TSPAN32: variants seen among roughly 807,000 people sequenced by gnomAD.
TSPAN32 encodes the protein tetraspanin 32, also known as tetraspanin-32.
A neutral mutation model predicts 42.7 loss-of-function variants in TSPAN32; 47 were observed. The observed-to-expected ratio is 1.10, with a 90% CI of 0.87 to 1.40. The LOEUF is 1.40. Among genes scored for constraint, TSPAN32 ranks in the 40% most tolerant of loss-of-function variants. TSPAN32 has a pLI of 0.00. For synonymous variants in TSPAN32, 175 were observed against 175.9 expected (o/e 0.99, Z 0.04); for missense variants, 469 against 424.1 (o/e 1.11, Z -0.93).
chr11:2,303,008 G>T (rs754360643), intron 2 of TSPAN32, 50 bp downstream of exon 2: 6 of 1,533,932 alleles, frequency 3.9e-6, no homozygotes, highest in Non-Finnish European at 5.4e-6. Flanking sequence ...CGGGTGCAAG[G>T]GTGGCTGGCA....
intron 2 of TSPAN32, chr11:2,303,466 C>T (rs1207965060): frequency 5.4e-6 from 1 of 183,792 alleles, no homozygotes; most frequent in Non-Finnish European, 1.2e-5. Context: ...CCAGAGCCTG[C>T]TGGGGCCACT....
Position 2,313,735 on chromosome 11 carries a change from C to G in TSPAN32, c.436C>G (p.Leu146Val). ...TACGTCCCACGTCCGGCGGCAGGAG[C>G]TGGCGGCCATCCAGGACGTGGTGAG... ...KGTSHVRRQE[L>V]AAIQDVFLCC... Residue 146 changes from leucine (L) to valine (V), a missense_variant, in exon 5 of 10, where the codon CTG becomes GTG. By Grantham distance (32) the Leu-to-Val change is conservative. Coordinates refer to ENST00000182290, the MANE Select transcript of TSPAN32 (RefSeq NM_139022.3). The surrounding 1 kb of genome is among the most constrained non-coding windows in gnomAD (Gnocchi z 9.1). 6.2e-7 allele frequency: 1 copy of G among 1,602,842 alleles called. No individual in the cohort carries two copies. The highest frequency in any genetic ancestry group is 8.5e-7 in the Non-Finnish European group (1 of 1,176,520).
At chr11:2,303,376 G>T (rs987684465) in intron 2 of TSPAN32, 9 of 205,608 alleles carry the variant, frequency 4.4e-5, no homozygotes, top group South Asian at 4.3e-4. Flanking sequence ...TGGGGAGGGG[G>T]TGGGGGCTGC....
At chr11:2,303,147 C>G (rs1847863826) in intron 2 of TSPAN32, 189 bp downstream of exon 2, 1 of 583,184 alleles carries the variant, frequency 1.7e-6, no homozygotes, top group Non-Finnish European at 3.1e-6. Flanking sequence ...GTCTGGGTGA[C>G]AGCCAGTGTT....
chr11:2,317,797 T>C lies in TSPAN32; in HGVS notation c.902-66T>C, dbSNP rs1336854413. The C allele has an allele frequency of 2.5e-6, 4 of 1,594,874 alleles. No homozygotes were observed. Among genetic ancestry groups the C allele is most frequent in the African/African-American group, 1.3e-5 (1 of 74,368 alleles). On this transcript the variant is annotated intron_variant, in intron 9 of 9. Coordinates refer to ENST00000182290, the MANE Select transcript of TSPAN32 (RefSeq NM_139022.3). This position sits in a 1 kb window ranked among gnomAD's most constrained non-coding sequence, Gnocchi z 6.2. Reference sequence around the variant, plus strand: ...ACCCAGACACAAGCTGCACTGGTTTTCTATGCTGCGTAAGAAGCAGCATGG... The same window carrying C: ...ACCCAGACACAAGCTGCACTGGTTTCCTATGCTGCGTAAGAAGCAGCATGG...
At position 2,308,794 on chromosome 11, in the gene TSPAN32, T is replaced by G; in HGVS notation, c.338T>G (p.Leu113Arg). The change falls in exon 4 of 10, where the codon CTC becomes CGC. Residue 113 changes from leucine to arginine, a missense_variant. By Grantham distance (102) the Leu-to-Arg change is moderately radical (BLOSUM62 -2). Coordinates refer to ENST00000182290, the MANE Select transcript of TSPAN32 (RefSeq NM_139022.3). ...CAGGTGCAGGTGGTGTTCTGGAGAC[T>G]CCACAGCCCCACCCAGGTGAGCACC... ...CAQVQVVFWR[L>R]HSPTQVEDAM... 1 of 1,569,684 alleles carries G rather than the reference T, an allele frequency of 6.4e-7. No individual in the cohort carries two copies.
At position 2,313,565 on chromosome 11, in the gene TSPAN32, C is replaced by T. The variant is rs1367115989; in HGVS notation, c.355-89C>T. The T allele has an allele frequency of 5.8e-6, 6 of 1,029,138 alleles. No homozygotes were observed. Among genetic ancestry groups the T allele is most frequent in the Non-Finnish European group, 8.7e-6 (6 of 691,894 alleles). The allele number at this position is 1,029,138 out of a possible 1,614,324, so 63.8% of individuals were successfully genotyped here. A position where few individuals can be genotyped will look rare whatever the true frequency, so the allele number is the denominator to read the frequency against. On this transcript the variant is annotated intron_variant, in intron 4 of 9. Coordinates refer to ENST00000182290, the MANE Select transcript of TSPAN32 (RefSeq NM_139022.3). This position sits in a 1 kb window ranked among gnomAD's most constrained non-coding sequence, Gnocchi z 9.1. ...CTGGGACGTCACTCAGCACTAAGGG[C>T]CCACTAGCGTTTGGGATGTCGTGGG...
Position 2,302,149 on chromosome 11 carries a change from C to T in TSPAN32, c.-1C>T, listed in dbSNP as rs1460853878. ...GAGGAGAGGAGAGGAGAGGAACCGT[C>T]ATGGGGCCTTGGAGTCGAGTCAGGG... On this transcript the variant is annotated 5_prime_UTR_variant, in exon 1 of 10. Transcript: ENST00000182290. 6.9e-7 allele frequency: 1 copy of T among 1,454,586 alleles called. No individual in the cohort carries two copies. The highest frequency in any genetic ancestry group is 1.4e-5 in the African/African-American group (1 of 69,880). The allele number at this position is 1,454,586 out of a possible 1,614,324, so 90.1% of individuals were successfully genotyped here. A position where few individuals can be genotyped will look rare whatever the true frequency, so the allele number is the denominator to read the frequency against.
At chr11:2,303,758 G>T (rs1401723206) in intron 2 of TSPAN32, among the ~76,000 whole-genome samples, 1 of 152,272 alleles carries the variant, frequency 6.6e-6, no homozygotes, top group Non-Finnish European at 1.5e-5. Flanking sequence ...CTAGGACATG[G>T]CAGGAGGATG....
rs1488222259 is a variant in TSPAN32 at position 2,316,653 on chromosome 11, C to T, written c.705C>T (p.Tyr235=). 9 of 1,532,072 alleles carry T rather than the reference C, an allele frequency of 5.9e-6. No individual in the cohort carries two copies. The highest frequency in any genetic ancestry group is 7.9e-6 in the Non-Finnish European group (9 of 1,138,132). The allele number at this position is 1,532,072 out of a possible 1,614,324, so 94.9% of individuals were successfully genotyped here. Residue 235 remains tyrosine (Y), a synonymous_variant, in exon 8 of 10, where the codon TAC becomes TAT. Coordinates refer to ENST00000182290, the MANE Select transcript of TSPAN32 (RefSeq NM_139022.3). ...GCAGCTTGGACCGCAAGGGCAAATA[C>T]ACCCTGACCCCACGGTAGGGCCCCC... ...CGCSLDRKGK[Y]TLTPRACGRQ...
At position 2,316,561 on chromosome 11, in the gene TSPAN32, G is replaced by A. The variant is rs534783084; in HGVS notation, c.628-15G>A. On this transcript the variant is annotated splice_polypyrimidine_tract_variant and intron_variant, in intron 7 of 9. Transcript: ENST00000182290. Reference sequence around the variant, plus strand: ...CCCTGGGGCAGTGGGGCAGCCGCGGGTGTCTCCCTCCCAGGTGTCCGCCTT... The same window carrying A: ...CCCTGGGGCAGTGGGGCAGCCGCGGATGTCTCCCTCCCAGGTGTCCGCCTT... The A allele has an allele frequency of 1.9e-6, 3 of 1,600,322 alleles. No homozygotes were observed. The highest frequency in any genetic ancestry group is 2.7e-5 in the African/African-American group (2 of 74,758).
At chr11:2,315,172 C>A in intron 6 of TSPAN32, 1 of 723,948 alleles carries the variant, frequency 1.4e-6, no homozygotes. Context: ...CCCCAGCCCA[C>A]CCTGCCCCCT....
In TSPAN32 at chr11:2,316,213, T is replaced by C. The variant is rs768226105; in HGVS notation, c.544-16T>C. The C allele has an allele frequency of 3.9e-6, 6 of 1,552,392 alleles. 1 individual carries two copies. The Admixed American group carries it at 1.1e-4, about 29-fold the overall frequency. On this transcript the variant is annotated splice_polypyrimidine_tract_variant and intron_variant, in intron 6 of 9. Transcript: ENST00000182290. ...GGCCGCTCAGGGCGGGTACCATGCC[T>C]GCTGCCCTCTCACAGGACTGCCTTC...
At chr11:2,306,464 G>C (rs1848093627) in intron 3 of TSPAN32, among the ~76,000 whole-genome samples, 1 of 152,062 alleles carries the variant, frequency 6.6e-6, no homozygotes, top group Non-Finnish European at 1.5e-5. Flanking sequence ...AGCAGCCTCT[G>C]ATGGTGAAGG....
Position 2,317,704 on chromosome 11 carries a change from A to G in TSPAN32, c.902-159A>G, listed in dbSNP as rs530610327. On this transcript the variant is annotated intron_variant, in intron 9 of 9. Coordinates refer to ENST00000182290, the MANE Select transcript of TSPAN32 (RefSeq NM_139022.3). This position sits in a 1 kb window ranked among gnomAD's most constrained non-coding sequence, Gnocchi z 6.2. ...ACGGGCTGGGAGCAAGCACAAAGGA[A>G]ACCACACTGGAGGCAGCAGCCCAGG... 2.3e-4 allele frequency: 222 copies of G among 985,376 alleles called. No individual in the cohort carries two copies. In the African/African-American group the frequency reaches 3.8e-3, roughly 17 times the overall value. 61.0% of individuals were successfully genotyped at this position (985,376 alleles called of 1,614,324 possible).
chr11:2,305,891 G>A (rs1185738473), intron 3 of TSPAN32, among the ~76,000 whole-genome samples: 1 of 152,236 alleles, frequency 6.6e-6, no homozygotes, highest in Non-Finnish European at 1.5e-5. Flanking sequence ...CCACAGCAGG[G>A]AGCTGGGAGA....
At position 2,318,170 on chromosome 11, in the gene TSPAN32, T is replaced by C. The variant is rs1279718183; in HGVS notation, c.*246T>C. ...ATTGTTAAGTGTATGGTTTGTGGCA[T>C]TAAATACATTCACATTGTTGTGCAA... On this transcript the variant is annotated 3_prime_UTR_variant, in exon 10 of 10. Coordinates refer to ENST00000182290, the MANE Select transcript of TSPAN32 (RefSeq NM_139022.3). The surrounding 1 kb of genome is among the most constrained non-coding windows in gnomAD (Gnocchi z 4.2). The C allele has an allele frequency of 2.0e-6, 1 of 499,928 alleles. No homozygotes were observed. The highest frequency in any genetic ancestry group is 3.5e-6 in the Non-Finnish European group (1 of 286,198). 31.0% of individuals were successfully genotyped at this position (499,928 alleles called of 1,614,324 possible).
chr11:2,306,147 T>C (rs1394732978), intron 3 of TSPAN32, among the ~76,000 whole-genome samples: 1 of 152,066 alleles, frequency 6.6e-6, no homozygotes, highest in East Asian at 1.9e-4. Flanking sequence ...CTGGCACATC[T>C]GTATGTGTGT....
rs374644554 is a variant in TSPAN32, at chr11:2,302,709, G to A, written c.67-135G>A. 45 of 708,104 alleles carry A rather than the reference G, an allele frequency of 6.4e-5. 1 individual carries two copies. The highest frequency in any genetic ancestry group is 4.1e-4 in the East Asian group (15 of 36,660). The allele number at this position is 708,104 out of a possible 1,614,324, so 43.9% of individuals were successfully genotyped here. A position where few individuals can be genotyped will look rare whatever the true frequency, so the allele number is the denominator to read the frequency against. On this transcript the variant is annotated intron_variant, in intron 1 of 9. Coordinates refer to ENST00000182290, the MANE Select transcript of TSPAN32 (RefSeq NM_139022.3). Reference sequence around the variant, plus strand: ...CCTGAGACCACTCCACGGAAACACCGGGAATCCCTGCAGCTGAGCCTGTCT... The same window carrying A: ...CCTGAGACCACTCCACGGAAACACCAGGAATCCCTGCAGCTGAGCCTGTCT...
Sources: allele counts gnomAD v4.1 joint callset (sites outside exome capture counted in the v4.1 genomes callset), GRCh38; gene constraint gnomAD v4.1.1; non-coding constraint Gnocchi (gnomAD v3.1); transcripts MANE v1.5; gene names NCBI Gene and HGNC (gene_info 2026-07-23, HGNC 2026-07-21).